The following HSPG2 variants were observed in gnomAD, a reference collection of about 807,000 sequenced individuals.
The protein encoded by HSPG2 is basement membrane-specific heparan sulfate proteoglycan core protein.
HSPG2 carries 278 observed loss-of-function variants against 526.6 expected under a neutral mutation model. The observed-to-expected ratio is 0.53, with a 90% confidence interval of 0.48 to 0.58. HSPG2 has a LOEUF of 0.58. Ranked by LOEUF, HSPG2 falls within the 20% of genes least tolerant of loss-of-function variation. The probability of loss-of-function intolerance (pLI) is 0.00; values close to 1 mark genes in which losing one functional copy is unlikely to be tolerated. For synonymous variants in HSPG2, 2,465 were observed against 2,555.4 expected, an observed-to-expected ratio of 0.96 and a Z score of 1.07; for missense variants, 5,354 against 6,099.5, an observed-to-expected ratio of 0.88 and a Z score of 4.07.
intron 95 of HSPG2, 96 bp from the exon 96 acceptor site, chr1:21,823,815 C>CT: frequency 1.1e-6 from 1 of 944,184 alleles, no homozygotes; most frequent in Non-Finnish European, 1.7e-6. Flanking sequence ...AGACTCCAGA[C>CT]TCAGAAGTCT....
At chr1:21,860,911 T>C (rs569668389) in intron 39 of HSPG2, among the ~76,000 whole-genome samples, 1 of 152,320 alleles carries the variant, frequency 6.6e-6, no homozygotes, top group South Asian at 2.1e-4. Flanking sequence ...ATGGAAATTC[T>C]ACATGAAAAT....
chr1:21,881,655 G>GT (rs1214535385), intron 13 of HSPG2, among the ~76,000 whole-genome samples, 153 bp from the exon 14 acceptor site: 1 of 152,154 alleles, frequency 6.6e-6, no homozygotes, highest in Non-Finnish European at 1.5e-5. Context: ...AGAAAATGCA[G>GT]TTTTTTGCCG....
Position 21,874,498 on chromosome 1 carries a change from C to T in HSPG2, c.3564G>A (p.Glu1188=), listed in dbSNP as rs1414392496. Residue 1188 remains glutamate (E), a synonymous_variant, in exon 28 of 97, where the codon GAG becomes GAA. Coordinates refer to ENST00000374695, the MANE Select transcript of HSPG2 (RefSeq NM_005529.7). ...CCCCGTAGTATCCTGGCTGGCACTG[C>T]TCACACCGAGGGCCCTCCGTGTGAT... The part of the protein sequence containing the change: ...CQHHTEGPRC[E]QCQPGYYGDA... The T allele has an allele frequency of 4.3e-6, 7 of 1,613,250 alleles. No individual in the cohort carries two copies. The highest frequency in any genetic ancestry group is 5.9e-6 in the Non-Finnish European group (7 of 1,179,966).
intron 91 of HSPG2, 93 bp downstream of exon 91, chr1:21,827,770 G>T: frequency 7.9e-7 from 1 of 1,269,694 alleles, no homozygotes; most frequent in Non-Finnish European, 1.1e-6. Context: ...CTCATATAAA[G>T]CTGTTTTGCT....
Position 21,872,182 on chromosome 1 carries a change from C to T in HSPG2, c.4221+4G>A, listed in dbSNP as rs1358072036. 1 of 1,551,640 alleles carries T rather than the reference C, an allele frequency of 6.4e-7. No individual in the cohort carries two copies. Among genetic ancestry groups the T allele is most frequent in the South Asian group, 1.2e-5 (1 of 84,056 alleles). On this transcript the variant is annotated splice_donor_region_variant and intron_variant, in intron 33 of 96. Coordinates refer to ENST00000374695, the MANE Select transcript of HSPG2 (RefSeq NM_005529.7). This position sits in a 1 kb window ranked among gnomAD's most constrained non-coding sequence, Gnocchi z 5.5. ...GCTGACCCTGGTGCTTGGCTGGGGCCCACCTTGTCTCCCTGGTATGTCTCC... is the reference window on the plus strand; with the variant it reads ...GCTGACCCTGGTGCTTGGCTGGGGCTCACCTTGTCTCCCTGGTATGTCTCC...
chr1:21,928,803 G>A (rs1644273569), intron 1 of HSPG2, among the ~76,000 whole-genome samples: 1 of 150,690 alleles, frequency 6.6e-6, no homozygotes, highest in Admixed American at 6.7e-5. Flanking sequence ...AGGCTGGAGT[G>A]CAATGGCGCG....
At chr1:21,881,731 C>T (rs1641524253) in intron 13 of HSPG2, among the ~76,000 whole-genome samples, 1 of 151,840 alleles carries the variant, frequency 6.6e-6, no homozygotes. Flanking sequence ...TCACTTGAGG[C>T]CAGGAGTTCA....
At chr1:21,835,142 C>CTTT in intron 76 of HSPG2, 197 bp from the exon 77 acceptor site, 2 of 592,262 alleles carry the variant, frequency 3.4e-6, no homozygotes, top group Non-Finnish European at 3.0e-6. Context: ...GTGTCCACTT[C>CTTT]TTTTTTTTTT....
Position 21,822,558 on chromosome 1 carries a change from G to A in HSPG2, c.*758C>T, listed in dbSNP as rs562153453. ...TCCAGATGGGTGGGGATGTGGCCTG[G>A]GGTGGGCGGGGCCCGGTGGGCGGGG... On this transcript the variant is annotated 3_prime_UTR_variant, in exon 97 of 97. Transcript: ENST00000374695. 1.1e-4 allele frequency: 38 copies of A among 357,646 alleles called. 1 individual carries two copies. Among genetic ancestry groups the A allele is most frequent in the Non-Finnish European group, 2.0e-4 (37 of 187,614 alleles). 22.2% of individuals were successfully genotyped at this position (357,646 alleles called of 1,614,324 possible).
At chr1:21,908,312 C>G in intron 1 of HSPG2, 2 of 979,934 alleles carry the variant, frequency 2.0e-6, no homozygotes, top group Non-Finnish European at 3.3e-6. Flanking sequence ...CAGTATGCTG[C>G]TAGCATTGTT....
chr1:21,848,680 C>G lies in HSPG2; in HGVS notation c.7700G>C (p.Trp2567Ser). Residue 2567 changes from tryptophan to serine, a missense_variant, in exon 59 of 97, where the codon TGG becomes TCG. Physicochemically the swap from Trp to Ser is radical, Grantham distance 177. Coordinates refer to ENST00000374695, the MANE Select transcript of HSPG2 (RefSeq NM_005529.7). This position sits in a 1 kb window ranked among gnomAD's most constrained non-coding sequence, Gnocchi z 4.9. ...GGGTAAGCTGCCTCCACGCTTATAC[C>G]AGGTGATGGTGTGGGGAGCCTGGCT... ...VASQAPHTIT[W>S]YKRGGSLPSR... 6.2e-7 allele frequency: 1 copy of G among 1,613,748 alleles called. No individual in the cohort carries two copies. The highest frequency in any genetic ancestry group is 8.5e-7 in the Non-Finnish European group (1 of 1,179,972).
intron 1 of HSPG2, among the ~76,000 whole-genome samples, chr1:21,927,329 G>C (rs1020761366): frequency 4.6e-5 from 7 of 152,146 alleles, no homozygotes; most frequent in African/African-American, 1.4e-4. Context: ...GGTGGGGTGA[G>C]ATCCCCAGGC....
intron 1 of HSPG2, among the ~76,000 whole-genome samples, chr1:21,911,713 G>A (rs1643692989): frequency 6.6e-6 from 1 of 152,158 alleles, no homozygotes; most frequent in South Asian, 2.1e-4. Flanking sequence ...GAAGAGGCTT[G>A]CAATTTCCCT....
Position 21,861,772 on chromosome 1 carries a change from C to T in HSPG2, c.4940G>A (p.Gly1647Asp). 1 of 1,613,974 alleles carries T rather than the reference C, an allele frequency of 6.2e-7. No homozygotes were observed. Reference protein sequence around the residue: ...RCTACEPGYTGQYCEQCGPGY... With the variant: ...RCTACEPGYTDQYCEQCGPGY... Reference sequence around the variant, plus strand: ...ACAAACTTACTGCTCACAGTACTGGCCAGTGTAGCCGGGTTCGCAGGCCGT... The same window carrying T: ...ACAAACTTACTGCTCACAGTACTGGTCAGTGTAGCCGGGTTCGCAGGCCGT... Residue 1647 changes from glycine (G) to aspartate (D), a missense_variant, in exon 39 of 97, where the codon GGC (glycine) becomes GAC (aspartate). Gly to Asp is a moderately conservative substitution (Grantham distance 94). Coordinates refer to ENST00000374695, the MANE Select transcript of HSPG2 (RefSeq NM_005529.7).
intron 67 of HSPG2, 25 bp from the exon 68 acceptor site, chr1:21,842,405 T>C: frequency 6.3e-7 from 1 of 1,580,278 alleles, no homozygotes; most frequent in Non-Finnish European, 8.6e-7. Context: ...AGGGGACAGT[T>C]ATCAGGGCAA....
At chr1:21,914,438 TA>T (rs1643826666) in intron 1 of HSPG2, among the ~76,000 whole-genome samples, 1 of 152,098 alleles carries the variant, frequency 6.6e-6, no homozygotes, top group Non-Finnish European at 1.5e-5. Context: ...GCCGGTTATC[TA>T]ACCCCCATGA....
chr1:21,883,291 C>T (rs1435384830), intron 13 of HSPG2, among the ~76,000 whole-genome samples: 3 of 152,220 alleles, frequency 2.0e-5, no homozygotes, highest in Non-Finnish European at 4.4e-5. Context: ...TGTAAATATA[C>T]TGGGGGACAA....
intron 21 of HSPG2, among the ~76,000 whole-genome samples, chr1:21,877,059 C>CAAAAAAAA (rs3077630): frequency 4.4e-4 from 45 of 102,536 alleles, no homozygotes; most frequent in African/African-American, 8.2e-4. Flanking sequence ...GACTCCATCT[C>CAAAAAAAA]AAAAAAAAAA....
At chr1:21,851,244 A>T in intron 55 of HSPG2, 5 of 434,630 alleles carry the variant, frequency 1.2e-5, no homozygotes, top group South Asian at 1.1e-4. Flanking sequence ...AAGTGCTGGG[A>T]TTACAGGCGT....
Sources: allele counts gnomAD v4.1 joint callset (sites outside exome capture counted in the v4.1 genomes callset), GRCh38; gene constraint gnomAD v4.1.1; non-coding constraint Gnocchi (gnomAD v3.1); transcripts MANE v1.5; gene names NCBI Gene and HGNC (gene_info 2026-07-23, HGNC 2026-07-21).